Variants in GNAO1 observed in about 807,000 individuals in gnomAD.
The protein encoded by GNAO1 is G protein subunit alpha o1, also known as guanine nucleotide-binding protein G(o) subunit alpha.
For missense variants in GNAO1, 166 were observed against 478.7 expected (o/e 0.35, Z 6.10); for synonymous variants, 164 against 180.7 (o/e 0.91, Z 0.74).
At chr16:56,272,619 A>C (rs1388486609) in intron 2 of GNAO1, among the ~76,000 whole-genome samples, 2 of 152,216 alleles carry the variant, frequency 1.3e-5, no homozygotes, top group Non-Finnish European at 2.9e-5. Context: ...AAGTACTGTG[A>C]GCTTGGAGAC....
At chr16:56,227,345 T>C (rs1250455440) in intron 2 of GNAO1, among the ~76,000 whole-genome samples, 1 of 152,176 alleles carries the variant, frequency 6.6e-6, no homozygotes, top group Non-Finnish European at 1.5e-5. Context: ...CCAGGTGTAG[T>C]GGCCTCTGCA....
intron 3 of GNAO1, chr16:56,302,684 C>T (rs539460128): frequency 3.9e-5 from 6 of 152,384 alleles, no homozygotes; most frequent in South Asian, 2.1e-4. Context: ...GGGTCACGCC[C>T]GGGCTCCCTC....
At chr16:56,229,917 T>C (rs1178674297) in intron 2 of GNAO1, among the ~76,000 whole-genome samples, 14 of 152,144 alleles carry the variant, frequency 9.2e-5, no homozygotes, top group Admixed American at 7.2e-4. Flanking sequence ...AAGAAGATGG[T>C]GAGTGTGTGC....
intron 8 of GNAO1, chr16:56,355,672 A>G (rs1353268516): frequency 6.6e-6 from 1 of 152,254 alleles, no homozygotes; most frequent in Non-Finnish European, 1.5e-5. Flanking sequence ...GGAATTTAGA[A>G]GAATCATTGC....
intron 2 of GNAO1, among the ~76,000 whole-genome samples, chr16:56,273,610 G>A (rs1376434500): frequency 6.6e-6 from 1 of 152,182 alleles, no homozygotes; most frequent in Non-Finnish European, 1.5e-5. Context: ...ATTGTTGAAT[G>A]TCTAGATTTT....
intron 2 of GNAO1, among the ~76,000 whole-genome samples, chr16:56,236,336 G>A (rs550437784): frequency 3.3e-5 from 5 of 152,256 alleles, no homozygotes; most frequent in East Asian, 1.9e-4. Flanking sequence ...ACACAGGCAC[G>A]CACACACATA....
chr16:56,340,920 CAAG>C (rs1271044200), intron 6 of GNAO1: 1 of 1,613,854 alleles, frequency 6.2e-7, no homozygotes, highest in Non-Finnish European at 8.5e-7. Flanking sequence ...TGTTTCTTAA[CAAG>C]AAGGACATAT....
At chr16:56,334,316 G>A (rs1339786902) in intron 4 of GNAO1, among the ~76,000 whole-genome samples, 2 of 152,212 alleles carry the variant, frequency 1.3e-5, no homozygotes, top group African/African-American at 4.8e-5. Context: ...ACTTACCTTC[G>A]ATGAGCCCCA....
Position 56,351,363 on chromosome 16 carries a change from C to T in GNAO1, c.724-21C>T. The stretch of plus-strand genomic sequence containing the variant: ...CTCCCTCCCGCTGTCTGTCCTCTCT[C>T]CTCCCTTCCTGCGGCCGCAGAACCG... On this transcript the variant is annotated intron_variant, in intron 6 of 8. Transcript: ENST00000262493. The surrounding 1 kb of genome is among the most constrained non-coding windows in gnomAD (Gnocchi z 6.1). The T allele has an allele frequency of 6.3e-7, 1 of 1,598,732 alleles. No individual in the cohort carries two copies. Among genetic ancestry groups the T allele is most frequent in the Non-Finnish European group, 8.6e-7 (1 of 1,166,740 alleles).
rs148878451 is a variant in GNAO1 at position 56,354,885 on chromosome 16, C to T, written c.897C>T (p.Asp299=). Residue 299 remains aspartate, a synonymous_variant, in exon 8 of 9, where the codon GAC becomes GAT. Transcript: ENST00000262493. The surrounding 1 kb of genome is among the most constrained non-coding windows in gnomAD (Gnocchi z 4.3). ...TTACAGGCCCCAATACCTATGAAGA[C>T]GCAGCCGCCTACATCCAAGCACAAT... ...PEYTGPNTYE[D]AAAYIQAQFE... is the part of the protein sequence containing the mutation. 182 of 1,612,414 alleles carry T rather than the reference C, an allele frequency of 1.1e-4. No individual in the cohort carries two copies. The highest frequency in any genetic ancestry group is 1.4e-4 in the Non-Finnish European group (170 of 1,178,754).
intron 2 of GNAO1, chr16:56,270,689 A>G (rs1262195154): frequency 1.3e-5 from 2 of 152,186 alleles, no homozygotes; most frequent in Non-Finnish European, 2.9e-5. Flanking sequence ...TCTGATTATT[A>G]TTGTTATCAG....
chr16:56,251,040 T>C (rs1488285643), intron 2 of GNAO1, among the ~76,000 whole-genome samples: 1 of 152,256 alleles, frequency 6.6e-6, no homozygotes, highest in East Asian at 1.9e-4. Flanking sequence ...TCTATGATTT[T>C]ACCCCCGAGT....
chr16:56,271,456 A>G (rs891681418), intron 2 of GNAO1, among the ~76,000 whole-genome samples: 1 of 152,170 alleles, frequency 6.6e-6, no homozygotes, highest in South Asian at 2.1e-4. Context: ...TGAAAATGCT[A>G]TTATTTTTTT....
chr16:56,309,728 C>A (rs1186911520), intron 3 of GNAO1, among the ~76,000 whole-genome samples: 1 of 152,200 alleles, frequency 6.6e-6, no homozygotes, highest in Non-Finnish European at 1.5e-5. Context: ...AGGGGCCAGA[C>A]CCGGACCCAC....
intron 2 of GNAO1, among the ~76,000 whole-genome samples, chr16:56,245,900 A>T (rs149935632): frequency 2.0e-5 from 3 of 152,134 alleles, no homozygotes; most frequent in Non-Finnish European, 4.4e-5. Flanking sequence ...GGAGAGACTA[A>T]TGGGAGGTTT....
At chr16:56,331,353 G>T (rs1418937069) in intron 4 of GNAO1, among the ~76,000 whole-genome samples, 1 of 152,084 alleles carries the variant, frequency 6.6e-6, no homozygotes, top group African/African-American at 2.4e-5. Flanking sequence ...GGTTGGCATT[G>T]GCTTTCCTCA....
At chr16:56,251,564 A>G (rs1312103532) in intron 2 of GNAO1, among the ~76,000 whole-genome samples, 1 of 152,114 alleles carries the variant, frequency 6.6e-6, no homozygotes, top group Admixed American at 6.5e-5. Context: ...GTAATATAGA[A>G]CCCCAGGTGG....
intron 2 of GNAO1, among the ~76,000 whole-genome samples, chr16:56,207,282 G>T (rs371108345): frequency 1.5e-4 from 23 of 152,352 alleles, no homozygotes; most frequent in African/African-American, 5.3e-4. Flanking sequence ...TCAGTTTACT[G>T]ATTGTTAAGA....
chr16:56,277,234 G>A (rs1253104298), intron 3 of GNAO1, among the ~76,000 whole-genome samples: 1 of 152,204 alleles, frequency 6.6e-6, no homozygotes, highest in Non-Finnish European at 1.5e-5. Context: ...GGGGACCTGG[G>A]CCCATCTGCC....
Sources: gnomAD v4.1 joint callset for allele counts (sites outside exome capture counted in the v4.1 genomes callset) on GRCh38, gnomAD v4.1.1 for gene constraint, Gnocchi (gnomAD v3.1) non-coding constraint, MANE v1.5 for transcripts, NCBI Gene and HGNC (gene_info 2026-07-23, HGNC 2026-07-21) for gene names.